Variants in XCR1 observed in about 807,000 individuals in gnomAD.
XCR1 encodes the protein X-C motif chemokine receptor 1.
For synonymous variants in XCR1, 187 were observed against 188.5 expected, an observed-to-expected ratio of 0.99 and a Z score of 0.06; for missense variants, 356 against 424.2, an observed-to-expected ratio of 0.84 and a Z score of 1.41.
At chr3:46,082,866 A>G (rs1018332412) in intron 1 of XCR1, among the ~76,000 whole-genome samples, 1 of 152,134 alleles carries the variant, frequency 6.6e-6, no homozygotes, top group Non-Finnish European at 1.5e-5. Flanking sequence ...AATCCCACAC[A>G]CCATTGCCAC....
chr3:46,068,478 G>GTT (rs1698112912), intron 3 of XCR1, among the ~76,000 whole-genome samples: 2 of 152,016 alleles, frequency 1.3e-5, no homozygotes, highest in Non-Finnish European at 2.9e-5. Flanking sequence ...GAATTACTTT[G>GTT]ATTGATCTTG....
intron 5 of XCR1, among the ~76,000 whole-genome samples, chr3:46,034,927 A>T (rs1322946615): frequency 6.6e-6 from 1 of 152,176 alleles, no homozygotes; most frequent in Non-Finnish European, 1.5e-5. Flanking sequence ...TTCATTCATC[A>T]TGATTGCCTC....
chr3:46,067,777 A>G (rs1296400524), intron 3 of XCR1, among the ~76,000 whole-genome samples: 2 of 152,130 alleles, frequency 1.3e-5, no homozygotes, highest in African/African-American at 2.4e-5. Flanking sequence ...TGAAAAGTGC[A>G]TAGGGGTGAG....
At chr3:46,041,866 T>C (rs552197672) in intron 5 of XCR1, among the ~76,000 whole-genome samples, 1 of 152,332 alleles carries the variant, frequency 6.6e-6, no homozygotes, top group African/African-American at 2.4e-5. Context: ...TGTTTTCTTG[T>C]ACATTGTTAT....
chr3:46,021,957 A>T lies in XCR1; in HGVS notation c.-10T>A. The stretch of plus-strand genomic sequence containing the variant: ...TGCCTGAGGACTCCATCTGGACCAG[A>T]TGGCAGGGACGTTTAGAGCATCTGA... On this transcript the variant is annotated 5_prime_UTR_variant, in exon 2 of 2. Transcript: ENST00000309285. This position sits in a 1 kb window ranked among gnomAD's most constrained non-coding sequence, Gnocchi z 4.7. 6.2e-7 allele frequency: 1 copy of T among 1,602,054 alleles called. No homozygotes were observed. Among genetic ancestry groups the T allele is most frequent in the Non-Finnish European group, 8.5e-7 (1 of 1,174,322 alleles).
At chr3:46,022,572 G>T (rs1301658220) in intron 1 of XCR1, among the ~76,000 whole-genome samples, 6 of 152,204 alleles carry the variant, frequency 3.9e-5, no homozygotes, top group Non-Finnish European at 5.9e-5. Context: ...GTATAATGAG[G>T]CATGTCTGAC....
At chr3:46,083,140 A>C (rs1461653764) in intron 1 of XCR1, among the ~76,000 whole-genome samples, 1 of 152,220 alleles carries the variant, frequency 6.6e-6, no homozygotes, top group Non-Finnish European at 1.5e-5. Flanking sequence ...GACAGTACTA[A>C]AATCCATGAT....
chr3:46,023,400 A>T (rs1391040842), intron 1 of XCR1: 1 of 1,470,408 alleles, frequency 6.8e-7, no homozygotes, highest in African/African-American at 1.4e-5. Flanking sequence ...CTTGTCACAA[A>T]AAGGCTGCGG....
chr3:46,069,665 T>C (rs1361985501), intron 3 of XCR1, among the ~76,000 whole-genome samples: 1 of 152,192 alleles, frequency 6.6e-6, no homozygotes, highest in Non-Finnish European at 1.5e-5. Flanking sequence ...TAAAGTAAGC[T>C]AGAGAAAAGA....
intron 5 of XCR1, among the ~76,000 whole-genome samples, chr3:46,040,253 CTAAA>C (rs751807251): frequency 6.6e-6 from 1 of 152,150 alleles, no homozygotes; most frequent in East Asian, 1.9e-4. Flanking sequence ...ATAATTTTGG[CTAAA>C]TAAATGATTA....
upstream of XCR1, among the ~76,000 whole-genome samples, chr3:46,029,095 G>C (rs544970003): frequency 6.6e-6 from 1 of 152,276 alleles, no homozygotes; most frequent in South Asian, 2.1e-4. Context: ...TTTGTAGTAA[G>C]TCTTGAAATC....
chr3:46,030,225 A>C (rs1404402840), upstream of XCR1, among the ~76,000 whole-genome samples: 1 of 152,132 alleles, frequency 6.6e-6, no homozygotes, highest in African/African-American at 2.4e-5. Flanking sequence ...AGGACAATGG[A>C]CATCATTGTC....
Position 46,021,961 on chromosome 3 carries a change from C to T in XCR1, c.-14G>A. The stretch of plus-strand genomic sequence containing the variant: ...TGAGGACTCCATCTGGACCAGATGG[C>T]AGGGACGTTTAGAGCATCTGAAATG... On this transcript the variant is annotated 5_prime_UTR_variant, in exon 2 of 2. Transcript: ENST00000309285. The surrounding 1 kb of genome is among the most constrained non-coding windows in gnomAD (Gnocchi z 4.7). 1 of 1,598,104 alleles carries T rather than the reference C, an allele frequency of 6.3e-7. No individual in the cohort carries two copies. The highest frequency in any genetic ancestry group is 8.5e-7 in the Non-Finnish European group (1 of 1,172,466).
rs1296324876 is a variant in XCR1 at position 46,021,124 on chromosome 3, A to G, written c.824T>C (p.Leu275Pro). 6.2e-7 allele frequency: 1 copy of G among 1,614,110 alleles called. No homozygotes were observed. The highest frequency in any genetic ancestry group is 1.3e-5 in the African/African-American group (1 of 74,936). The change falls in exon 2 of 2, where the codon CTC becomes CCC. Residue 275 changes from leucine (L) to proline (P), a missense_variant. Transcript: ENST00000309285. The surrounding 1 kb of genome is among the most constrained non-coding windows in gnomAD (Gnocchi z 4.7). ...LEYALLICRN[L>P]AFSHCCFNPV... ...GTTAAAGCAGCAGTGGGAGAAGGCGAGGTTGCGGCAGATGAGCAGGGCGTA... is the reference window on the plus strand; with the variant it reads ...GTTAAAGCAGCAGTGGGAGAAGGCGGGGTTGCGGCAGATGAGCAGGGCGTA...
At chr3:46,080,328 T>C (rs1423829996) in intron 1 of XCR1, among the ~76,000 whole-genome samples, 1 of 152,166 alleles carries the variant, frequency 6.6e-6, no homozygotes. Context: ...TCACTGACAA[T>C]GCCGCTAAGA....
rs532694277 is a variant in XCR1, at chr3:46,050,829, T to C, written c.-32+3091A>G. ...GAGGCCAGTCTCTTGAAATGGCCAC[T>C]GGGGAAGGTAAACCTTGCTGTAATG... is the stretch of plus-strand genomic sequence containing the variant. On this transcript the variant is annotated intron_variant, in intron 5 of 5. Coordinates refer to the XCR1 transcript ENST00000683768. Among the ~76,000 whole-genome samples, 4 of 152,346 alleles carry C rather than the reference T, an allele frequency of 2.6e-5. No homozygotes were observed. In the East Asian group the frequency reaches 5.8e-4, roughly 22 times the overall value.
intron 1 of XCR1, among the ~76,000 whole-genome samples, chr3:46,084,677 C>T (rs534512483): frequency 1.6e-4 from 24 of 152,054 alleles, no homozygotes; most frequent in Non-Finnish European, 2.5e-4. Flanking sequence ...TTATCCTAGG[C>T]GAATTAATGC....
At position 46,079,767 on chromosome 3, in the gene XCR1, G is replaced by A. The variant is rs140166531; in HGVS notation, c.-514-2841C>T. Among the ~76,000 whole-genome samples, 128 of 152,318 alleles carry A rather than the reference G, an allele frequency of 8.4e-4. No individual in the cohort carries two copies. In the East Asian group the frequency reaches 0.021, roughly 25 times the overall value. ...CCCTGACCTGCTCCAAGATCCCATA[G>A]GGTTTGCAGAACAATCTGCTTTAAT... On this transcript the variant is annotated intron_variant, in intron 1 of 5. Transcript: ENST00000683768.
Position 46,081,339 on chromosome 3 carries a change from A to G in XCR1, c.-514-4413T>C, listed in dbSNP as rs557524635. 6.6e-5 allele frequency among the ~76,000 whole-genome samples: 10 copies of G among 152,324 alleles called. No individual in the cohort carries two copies. In the East Asian group the frequency reaches 1.9e-3, roughly 29 times the overall value. Reference sequence around the variant, plus strand: ...TTCTGCTCAGCCTGTGATCCACACCATTTGGAAAACACCAGCTCTCTCTCT... The same window carrying G: ...TTCTGCTCAGCCTGTGATCCACACCGTTTGGAAAACACCAGCTCTCTCTCT... On this transcript the variant is annotated intron_variant, in intron 1 of 5. Transcript: ENST00000683768.
Sources: gnomAD v4.1 joint callset for allele counts (sites outside exome capture counted in the v4.1 genomes callset) on GRCh38, gnomAD v4.1.1 for gene constraint, Gnocchi (gnomAD v3.1) non-coding constraint, MANE v1.5 for transcripts, NCBI Gene and HGNC (gene_info 2026-07-23, HGNC 2026-07-21) for gene names.